The following CBLB variants were observed in gnomAD, a reference collection of about 807,000 sequenced individuals.
CBLB encodes the protein Cbl proto-oncogene B, also known as E3 ubiquitin-protein ligase CBL-B.
CBLB carries 31 observed loss-of-function variants against 104.9 expected under a neutral mutation model. That is an observed-to-expected ratio of 0.30 (90% CI 0.22 to 0.40). The LOEUF is 0.40. Among genes scored for constraint, CBLB ranks in the 10% least tolerant of loss-of-function variants. The pLI, the probability that CBLB is intolerant of heterozygous loss-of-function variation, is 1.00. For synonymous variants in CBLB, 440 were observed against 422.6 expected (o/e 1.04, Z -0.51); for missense variants, 1,062 against 1,214.6 (o/e 0.87, Z 1.87).
chr3:105,828,560 T>C (rs980417241), intron 3 of CBLB, among the ~76,000 whole-genome samples: 7 of 152,178 alleles, frequency 4.6e-5, no homozygotes, highest in African/African-American at 1.7e-4. Context: ...ATACTAAACA[T>C]TTTCTAAACT....
chr3:105,863,605 T>C (rs1389906154), intron 2 of CBLB, among the ~76,000 whole-genome samples: 4 of 152,168 alleles, frequency 2.6e-5, no homozygotes, highest in Admixed American at 6.5e-5. Flanking sequence ...TATTTATATA[T>C]AATCCAAGCA....
chr3:105,716,553 A>T (rs1192615146), intron 10 of CBLB, among the ~76,000 whole-genome samples: 1 of 152,198 alleles, frequency 6.6e-6, no homozygotes, highest in Non-Finnish European at 1.5e-5. Flanking sequence ...GCTTGTATCT[A>T]TATAAAAATT....
At chr3:105,788,852 T>A (rs2081318255) in intron 3 of CBLB, among the ~76,000 whole-genome samples, 1 of 152,196 alleles carries the variant, frequency 6.6e-6, no homozygotes, top group Admixed American at 6.5e-5. Flanking sequence ...ATTACAAAGT[T>A]TGGCAGTTTC....
intron 4 of CBLB, among the ~76,000 whole-genome samples, chr3:105,759,063 CAAACAACTG>C (rs549035831): frequency 1.6e-3 from 241 of 152,262 alleles, no homozygotes; most frequent in Admixed American, 2.6e-3. Flanking sequence ...ATGAGGTATA[CAAACAACTG>C]GAGGGTGGGA....
At chr3:105,724,400 A>G (rs558207633) in intron 9 of CBLB, among the ~76,000 whole-genome samples, 1 of 152,272 alleles carries the variant, frequency 6.6e-6, no homozygotes, top group South Asian at 2.1e-4. Context: ...CTGAATTAGG[A>G]TACTTGGACT....
intron 3 of CBLB, among the ~76,000 whole-genome samples, chr3:105,786,279 T>C (rs1236118090): frequency 6.6e-6 from 1 of 152,166 alleles, no homozygotes; most frequent in Non-Finnish European, 1.5e-5. Flanking sequence ...TTTCTTTCTT[T>C]TATTCTTTAA....
chr3:105,781,054 T>C (rs906737635), intron 3 of CBLB, among the ~76,000 whole-genome samples: 3 of 152,098 alleles, frequency 2.0e-5, no homozygotes, highest in Non-Finnish European at 4.4e-5. Flanking sequence ...ATGTTAACAT[T>C]AGAGGAGGCT....
At chr3:105,784,800 A>G (rs2080766352) in intron 3 of CBLB, among the ~76,000 whole-genome samples, 1 of 152,184 alleles carries the variant, frequency 6.6e-6, no homozygotes, top group African/African-American at 2.4e-5. Context: ...TCAATAGAAT[A>G]TAGTTAGAAA....
intron 2 of CBLB, among the ~76,000 whole-genome samples, chr3:105,867,170 T>TA (rs2092472649): frequency 6.6e-6 from 1 of 152,196 alleles, no homozygotes; most frequent in Admixed American, 6.5e-5. Context: ...AAACTTTACA[T>TA]ACTGAGTCAT....
At chr3:105,701,932 A>C (rs117518071) in intron 12 of CBLB, among the ~76,000 whole-genome samples, 162 bp downstream of exon 12, 1 of 152,186 alleles carries the variant, frequency 6.6e-6, no homozygotes, top group Non-Finnish European at 1.5e-5. Flanking sequence ...CTTAAGTTCA[A>C]GTTTTAATGA....
intron 18 of CBLB, 149 bp downstream of exon 18, chr3:105,670,084 G>C (rs565357750): frequency 1.4e-6 from 1 of 692,480 alleles, no homozygotes; most frequent in South Asian, 2.0e-5. Context: ...CACAATGCCA[G>C]CTTTATAAGC....
chr3:105,665,140 C>G (rs950573320), intron 18 of CBLB, among the ~76,000 whole-genome samples: 1 of 151,960 alleles, frequency 6.6e-6, no homozygotes, highest in Non-Finnish European at 1.5e-5. Context: ...CAGTGGCTCA[C>G]GCCTATAATC....
At chr3:105,761,821 C>T (rs912368550) in intron 4 of CBLB, among the ~76,000 whole-genome samples, 1 of 152,110 alleles carries the variant, frequency 6.6e-6, no homozygotes, top group African/African-American at 2.4e-5. Context: ...GTTTGGAGGG[C>T]TCAGAAGAAG....
At chr3:105,782,824 G>A (rs771140221) in intron 3 of CBLB, among the ~76,000 whole-genome samples, 1 of 151,896 alleles carries the variant, frequency 6.6e-6, no homozygotes, top group Non-Finnish European at 1.5e-5. Flanking sequence ...TGCCCACCTC[G>A]GCCTCCCAAA....
chr3:105,792,731 C>T (rs908330394), intron 3 of CBLB, among the ~76,000 whole-genome samples: 24 of 152,234 alleles, frequency 1.6e-4, no homozygotes, highest in African/African-American at 5.8e-4. Flanking sequence ...AGGCACATCA[C>T]AAGTTCAGTC....
chr3:105,769,772 G>A (rs2078642846), intron 4 of CBLB, among the ~76,000 whole-genome samples: 1 of 152,206 alleles, frequency 6.6e-6, no homozygotes, highest in Non-Finnish European at 1.5e-5. Flanking sequence ...TGTTTAATGT[G>A]ATTTTAGACT....
chr3:105,824,778 CG>C (rs759752975), intron 3 of CBLB, among the ~76,000 whole-genome samples: 2 of 152,084 alleles, frequency 1.3e-5, no homozygotes, highest in Non-Finnish European at 2.9e-5. Context: ...AGGGCATTCA[CG>C]AAAGGGGAGC....
At chr3:105,663,158 C>T (rs1243882190) in intron 18 of CBLB, among the ~76,000 whole-genome samples, 2 of 152,292 alleles carry the variant, frequency 1.3e-5, no homozygotes, top group African/African-American at 4.8e-5. Flanking sequence ...TTGAGACCTT[C>T]ACTATCACAG....
chr3:105,678,310 G>T, intron 17 of CBLB, 121 bp downstream of exon 17: 1 of 952,010 alleles, frequency 1.1e-6, no homozygotes, highest in Non-Finnish European at 1.7e-6. Context: ...TTACCACCCA[G>T]GGATTTTTCT....
Sources: allele counts gnomAD v4.1 joint callset (sites outside exome capture counted in the v4.1 genomes callset), GRCh38; gene constraint gnomAD v4.1.1; transcripts MANE v1.5; gene names NCBI Gene and HGNC (gene_info 2026-07-23, HGNC 2026-07-21).